Variants in ADGB observed in about 807,000 individuals in gnomAD.
ADGB encodes calpain-7-like protein.
ADGB carries 172 observed loss-of-function variants against 210.5 expected under a neutral mutation model. The ratio of observed to expected loss-of-function variants is 0.82; its 90% CI spans 0.72 to 0.93. The LOEUF (loss-of-function observed/expected upper bound fraction) is 0.93, where lower values mean the gene tolerates loss of function less well. Among genes scored for constraint, ADGB ranks in the 40% least tolerant of loss-of-function variants. ADGB has a pLI of 0.00. For synonymous variants in ADGB, 658 were observed against 662.7 expected (o/e 0.99, Z 0.11); for missense variants, 2,025 against 1,964.8 (o/e 1.03, Z -0.58).
intron 5 of ADGB, among the ~76,000 whole-genome samples, chr6:146,659,605 A>G (rs569796532): frequency 6.6e-6 from 1 of 152,168 alleles, no homozygotes; most frequent in African/African-American, 2.4e-5. Context: ...CATTTTTTCT[A>G]TGAAAGTATT....
intron 23 of ADGB, among the ~76,000 whole-genome samples, chr6:146,736,843 T>TA (rs1216704642): frequency 1.3e-5 from 2 of 152,140 alleles, no homozygotes; most frequent in East Asian, 3.9e-4. Flanking sequence ...CCTTAAATCT[T>TA]ACGGTACTGA....
At chr6:146,756,762 G>C (rs1777411858) in intron 27 of ADGB, among the ~76,000 whole-genome samples, 1 of 151,060 alleles carries the variant, frequency 6.6e-6, no homozygotes, top group Admixed American at 6.6e-5. Context: ...TTTTGAGATG[G>C]AGTCTCACTC....
At chr6:146,606,253 T>C (rs1780627845) in intron 1 of ADGB, among the ~76,000 whole-genome samples, 1 of 152,198 alleles carries the variant, frequency 6.6e-6, no homozygotes, top group African/African-American at 2.4e-5. Context: ...GTTGCATGTT[T>C]TTTGCTTGTT....
intron 1 of ADGB, among the ~76,000 whole-genome samples, chr6:146,630,409 C>G (rs1407585705): frequency 6.6e-6 from 1 of 151,696 alleles, no homozygotes; most frequent in East Asian, 1.9e-4. Context: ...AATACAAATA[C>G]TTATAAATAT....
chr6:146,651,115 G>A (rs887911777), intron 3 of ADGB, among the ~76,000 whole-genome samples: 1 of 152,234 alleles, frequency 6.6e-6, no homozygotes, highest in Non-Finnish European at 1.5e-5. Flanking sequence ...TGCCATGAAC[G>A]TGAGGGAAGG....
At chr6:146,627,994 C>T (rs1781003116) in intron 1 of ADGB, among the ~76,000 whole-genome samples, 1 of 152,082 alleles carries the variant, frequency 6.6e-6, no homozygotes, top group Non-Finnish European at 1.5e-5. Flanking sequence ...GTATTTTGTC[C>T]AGATTTTGTG....
Position 146,797,126 on chromosome 6 carries a change from G to A in ADGB, c.4538-4057G>A, listed in dbSNP as rs1001543200. ...CAACATCACTAATTATCAGAGAAAC[G>A]CAAATCAAAACCACAATGTGATACT... On this transcript the variant is annotated intron_variant, in intron 33 of 35. Coordinates refer to ENST00000397944, the MANE Select transcript of ADGB (RefSeq NM_024694.4). Among the ~76,000 whole-genome samples the A allele has an allele frequency of 2.6e-5, 4 of 152,100 alleles. No homozygotes were observed. In the South Asian group the frequency reaches 8.3e-4, roughly 32 times the overall value.
At chr6:146,673,242 G>A (rs2114904293) in intron 8 of ADGB, among the ~76,000 whole-genome samples, 1 of 152,222 alleles carries the variant, frequency 6.6e-6, no homozygotes, top group South Asian at 2.1e-4. Flanking sequence ...ATCAGTATTG[G>A]GACATCTGGA....
At chr6:146,646,266 A>T (rs1307009168) in intron 3 of ADGB, among the ~76,000 whole-genome samples, 1 of 152,028 alleles carries the variant, frequency 6.6e-6, no homozygotes, top group African/African-American at 2.4e-5. Flanking sequence ...TTTGGCTCAT[A>T]TTAATGTCAG....
intron 4 of ADGB, among the ~76,000 whole-genome samples, chr6:146,655,064 CTTTG>C (rs1775761057): frequency 6.6e-6 from 1 of 152,102 alleles, no homozygotes; most frequent in African/African-American, 2.4e-5. Flanking sequence ...AGTTATTTGT[CTTTG>C]TTTGGCTTAT....
chr6:146,802,964 C>T (rs1391449390), intron 35 of ADGB: 7 of 1,609,814 alleles, frequency 4.3e-6, no homozygotes, highest in African/African-American at 1.3e-5. Flanking sequence ...CTGACCACCA[C>T]CTTTTAATGA....
rs1562266484 is a variant in ADGB at position 146,656,992 on chromosome 6, T to C, written c.612+12T>C. 6.5e-7 allele frequency: 1 copy of C among 1,539,088 alleles called. No individual in the cohort carries two copies. The highest frequency in any genetic ancestry group is 8.8e-7 in the Non-Finnish European group (1 of 1,136,144). ...AACTTTACTGGATGGTAAGTCCATT[T>C]TCGTGTGCATAAAAACTCATGAGTC... On this transcript the variant is annotated intron_variant, in intron 5 of 35. Transcript: ENST00000397944.
chr6:146,601,199 C>T (rs1299469590), intron 1 of ADGB, among the ~76,000 whole-genome samples: 1 of 152,128 alleles, frequency 6.6e-6, no homozygotes, highest in Non-Finnish European at 1.5e-5. Context: ...GATGCAAACT[C>T]TCTTCTTACT....
chr6:146,808,537 T>A (rs1331013984), intron 35 of ADGB, among the ~76,000 whole-genome samples: 1 of 152,178 alleles, frequency 6.6e-6, no homozygotes, highest in Non-Finnish European at 1.5e-5. Flanking sequence ...AATGAGTGGA[T>A]TTAACTGAGG....
chr6:146,785,512 C>T (rs1400335333), intron 31 of ADGB, 98 bp from the exon 32 acceptor site: 3 of 815,082 alleles, frequency 3.7e-6, no homozygotes, highest in Admixed American at 2.4e-5. Flanking sequence ...TTCACATTTT[C>T]CTGTTTCGTT....
chr6:146,614,931 C>T (rs375195808), intron 1 of ADGB, among the ~76,000 whole-genome samples: 2 of 152,202 alleles, frequency 1.3e-5, no homozygotes, highest in South Asian at 2.1e-4. Flanking sequence ...GACAGAGTCT[C>T]GCTCTGTCGC....
chr6:146,803,502 G>C, intron 35 of ADGB: 1 of 1,601,990 alleles, frequency 6.2e-7, no homozygotes, highest in Non-Finnish European at 8.5e-7. Context: ...TTCTGCGATA[G>C]ATCACTTTAC....
intron 1 of ADGB, among the ~76,000 whole-genome samples, chr6:146,606,729 C>T (rs1780633338): frequency 6.6e-6 from 1 of 152,108 alleles, no homozygotes; most frequent in African/African-American, 2.4e-5. Flanking sequence ...AGCTTTATTT[C>T]CATGTTCTGT....
intron 32 of ADGB, among the ~76,000 whole-genome samples, chr6:146,786,398 G>A (rs1231831757): frequency 6.6e-6 from 1 of 151,764 alleles, no homozygotes; most frequent in Non-Finnish European, 1.5e-5. Flanking sequence ...GAGGCAGAAG[G>A]CGTTCACATC....
Sources: allele counts gnomAD v4.1 joint callset (sites outside exome capture counted in the v4.1 genomes callset), GRCh38; gene constraint gnomAD v4.1.1; transcripts MANE v1.5; gene names NCBI Gene and HGNC (gene_info 2026-07-23, HGNC 2026-07-21).